Variants in SCAF8 observed in about 807,000 individuals in gnomAD.
The protein encoded by SCAF8 is SR-related and CTD-associated factor 8.
A neutral mutation model predicts 140.5 loss-of-function variants in SCAF8; 23 were observed. That is an observed-to-expected ratio of 0.16 (90% CI 0.12 to 0.23). SCAF8 has a LOEUF of 0.23. Among genes scored for constraint, SCAF8 ranks in the 10% least tolerant of loss-of-function variants. The pLI, the probability that SCAF8 is intolerant of heterozygous loss-of-function variation, is 1.00. For synonymous variants in SCAF8, 575 were observed against 528.9 expected, an observed-to-expected ratio of 1.09 and a Z score of -1.20; for missense variants, 1,397 against 1,555.7, an observed-to-expected ratio of 0.90 and a Z score of 1.72.
At chr6:154,758,356 G>A (rs1200173931) in intron 1 of SCAF8, among the ~76,000 whole-genome samples, 1 of 152,138 alleles carries the variant, frequency 6.6e-6, no homozygotes, top group African/African-American at 2.4e-5. Context: ...TTTTGTGGTG[G>A]TTCCAGTGTC....
chr6:154,749,144 G>A (rs1410479782), intron 1 of SCAF8, among the ~76,000 whole-genome samples: 1 of 152,060 alleles, frequency 6.6e-6, no homozygotes, highest in African/African-American at 2.4e-5. Flanking sequence ...GTTTCTCCTG[G>A]TTTATTAGGC....
chr6:154,825,484 A>T (rs1778539205), intron 17 of SCAF8, among the ~76,000 whole-genome samples: 1 of 151,416 alleles, frequency 6.6e-6, no homozygotes, highest in East Asian at 2.0e-4. Flanking sequence ...AGACCAGCCC[A>T]GGAACAGAGT....
chr6:154,824,008 TG>T (rs1322109769), intron 16 of SCAF8, among the ~76,000 whole-genome samples: 1 of 152,216 alleles, frequency 6.6e-6, no homozygotes, highest in African/African-American at 2.4e-5. Flanking sequence ...ATCACTTGAA[TG>T]TAAGATCAAA....
rs555772506 is a variant in SCAF8, at chr6:154,738,195, C to CAA, written c.30+4278_30+4279dup. Among the ~76,000 whole-genome samples the CAA allele has an allele frequency of 6.8e-3, 816 of 119,530 alleles. 12 individuals are homozygous for CAA. The highest frequency in any genetic ancestry group is 0.024 in the African/African-American group (776 of 32,320). The allele number at this position is 119,530 out of a possible 152,430, so 78.4% of individuals were successfully genotyped here. ...TGGGCAACAGTGTGAGACTCTGCTTCAAAAAAAAAAAAAAGAAAAGAAAAC... is the reference window on the plus strand; with the variant it reads ...TGGGCAACAGTGTGAGACTCTGCTTCAAAAAAAAAAAAAAAAGAAAAGAAAAC... On this transcript the variant is annotated intron_variant, in intron 1 of 19. Transcript: ENST00000367178.
chr6:154,781,939 C>T (rs1214704316), intron 3 of SCAF8, among the ~76,000 whole-genome samples: 8 of 152,032 alleles, frequency 5.3e-5, no homozygotes, highest in East Asian at 1.9e-4. Flanking sequence ...ATATATTATC[C>T]GTGAACCCAT....
rs191731680 is a variant in SCAF8 at position 154,780,453 on chromosome 6, C to G, written c.159+2408C>G. 5.7e-3 allele frequency among the ~76,000 whole-genome samples: 852 copies of G among 150,430 alleles called. 13 individuals are homozygous for G. Among genetic ancestry groups the G allele is most frequent in the African/African-American group, 0.02 (807 of 40,944 alleles). ...CCTGTGCCATGGTGGTTTGCTGTAC[C>G]TATCAACTTGTCATCTAGGTTTTAA... On this transcript the variant is annotated intron_variant, in intron 3 of 19. Transcript: ENST00000367178.
chr6:154,734,589 C>G (rs1778360562), intron 1 of SCAF8, among the ~76,000 whole-genome samples: 1 of 152,058 alleles, frequency 6.6e-6, no homozygotes, highest in Admixed American at 6.6e-5. Flanking sequence ...ATCTGTGCAT[C>G]GAGAGATGGA....
chr6:154,829,927 GTCTT>G (rs1315963442), intron 18 of SCAF8, among the ~76,000 whole-genome samples: 1 of 152,136 alleles, frequency 6.6e-6, no homozygotes. Flanking sequence ...AGGTTTAAAA[GTCTT>G]TCTTTTTGTT....
chr6:154,742,909 A>G (rs1778607345), intron 1 of SCAF8, among the ~76,000 whole-genome samples: 1 of 152,206 alleles, frequency 6.6e-6, no homozygotes, highest in South Asian at 2.1e-4. Flanking sequence ...TAATTTGTTC[A>G]TGCACGTAAC....
intron 7 of SCAF8, among the ~76,000 whole-genome samples, chr6:154,802,576 A>G (rs995420686): frequency 4.6e-5 from 7 of 152,168 alleles, no homozygotes; most frequent in Admixed American, 3.3e-4. Flanking sequence ...AAGATTGAGC[A>G]ACTGTTCTCC....
rs1312702131 is a variant in SCAF8 at position 154,831,943 on chromosome 6, T to G, written c.2364T>G (p.Ile788Met). The G allele has an allele frequency of 3.2e-6, 5 of 1,584,148 alleles. No homozygotes were observed. Among genetic ancestry groups the G allele is most frequent in the East Asian group, 2.2e-5 (1 of 44,644 alleles). Residue 788 changes from isoleucine to methionine, a missense_variant, in exon 20 of 20, where the codon ATT (isoleucine) becomes ATG (methionine). This residue lies in a region of SCAF8 where 930 missense variants were observed against 874.6 expected (regional missense o/e 1.06). Transcript: ENST00000367178. ...TCTCTCTCTCTTTTTTTTTAGTGAT[T>G]CCAAATGATATTTCAAGTAATGCTG... ...ISSGENTRSV[I>M]PNDISSNAAI... is the part of the protein sequence containing the mutation.
intron 17 of SCAF8, among the ~76,000 whole-genome samples, chr6:154,826,707 G>A (rs1027455122): frequency 6.6e-6 from 1 of 152,028 alleles, no homozygotes; most frequent in Non-Finnish European, 1.5e-5. Context: ...CATAGACTCG[G>A]TATCTAAAAT....
Position 154,830,999 on chromosome 6 carries a change from G to T in SCAF8, c.2218G>T (p.Gly740Cys). ...ATTTGGTAGCCTTGTTATACCAGGC[G>T]GTTCTGTTGCCAGCAATCTTGCTAC... ...VGFGSLVIPG[G>C]SVASNLATSA... The change falls in exon 19 of 20, where the codon GGT (glycine) becomes TGT (cysteine). Residue 740 changes from glycine to cysteine, a missense_variant. Gly to Cys is a radical substitution (Grantham distance 159). Coordinates refer to ENST00000367178, the MANE Select transcript of SCAF8 (RefSeq NM_014892.5). 6.2e-7 allele frequency: 1 copy of T among 1,613,986 alleles called. No individual in the cohort carries two copies. The highest frequency in any genetic ancestry group is 8.5e-7 in the Non-Finnish European group (1 of 1,179,896).
chr6:154,822,196 AT>A lies in SCAF8; in HGVS notation c.1793-79del, dbSNP rs1033029441. ...GTGCCAAGGTAGATGAAGGATTTAGATGTGAAATAAATGAATACAAAGAAGA... is the reference window on the plus strand; with the variant it reads ...GTGCCAAGGTAGATGAAGGATTTAGAGTGAAATAAATGAATACAAAGAAGA... On this transcript the variant is annotated intron_variant, in intron 15 of 19. Coordinates refer to ENST00000367178, the MANE Select transcript of SCAF8 (RefSeq NM_014892.5). The A allele has an allele frequency of 2.1e-6, 3 of 1,422,844 alleles. No homozygotes were observed. The African/African-American group carries it at 4.3e-5, about 20-fold the overall frequency. The allele number at this position is 1,422,844 out of a possible 1,614,324, so 88.1% of individuals were successfully genotyped here. A position where few individuals can be genotyped will look rare whatever the true frequency, so the allele number is the denominator to read the frequency against.
In SCAF8 at chr6:154,818,512, A is replaced by G. The variant is rs1281356940; in HGVS notation, c.1555A>G (p.Met519Val). 2.5e-6 allele frequency: 4 copies of G among 1,609,876 alleles called. No individual in the cohort carries two copies. Among genetic ancestry groups the G allele is most frequent in the South Asian group, 1.1e-5 (1 of 90,428 alleles). Reference protein sequence around the residue: ...IPPRGCAYVCMVHRQDAFRAL... With the variant: ...IPPRGCAYVCVVHRQDAFRAL... ...TCCCCGGGGCTGTGCTTATGTCTGC[A>G]TGGTTCATCGACAAGATGCATTTCG... The change falls in exon 14 of 20, where the codon ATG becomes GTG. Residue 519 changes from methionine to valine, a missense_variant. This residue lies in a region of SCAF8 where 59 missense variants were observed against 110.7 expected (regional missense o/e 0.53). Coordinates refer to ENST00000367178, the MANE Select transcript of SCAF8 (RefSeq NM_014892.5).
rs748368104 is a variant in SCAF8, at chr6:154,820,209, A to C, written c.1668A>C (p.Thr556=). Residue 556 remains threonine, a synonymous_variant, in exon 15 of 20, where the codon ACA becomes ACC. Transcript: ENST00000367178. ...IAWALNKGVK[T]EYKQFWDVDL... ...GGGCTTTAAACAAAGGTGTAAAAAC[A>C]GAATACAAACAATTCTGGGATGTGG... The C allele has an allele frequency of 6.2e-7, 1 of 1,604,058 alleles. No individual in the cohort carries two copies. The highest frequency in any genetic ancestry group is 2.2e-5 in the East Asian group (1 of 44,766).
intron 12 of SCAF8, among the ~76,000 whole-genome samples, chr6:154,811,228 A>T (rs755968996): frequency 6.6e-6 from 1 of 152,188 alleles, no homozygotes; most frequent in Non-Finnish European, 1.5e-5. Flanking sequence ...AAATAATGTC[A>T]AACGTTTAAC....
intron 3 of SCAF8, among the ~76,000 whole-genome samples, chr6:154,784,182 G>T (rs1321966780): frequency 1.6e-5 from 2 of 124,636 alleles, no homozygotes; most frequent in Non-Finnish European, 1.7e-5. Context: ...TTTCATGTAG[G>T]GTGCAGTATT....
Position 154,827,256 on chromosome 6 carries a change from T to C in SCAF8, c.2140+16T>C. The stretch of plus-strand genomic sequence containing the variant: ...GTACCAACATGTAAGTTTTCTACTT[T>C]TAGAGTTTTCTTTATTCATGGTAGT... On this transcript the variant is annotated intron_variant, in intron 18 of 19. Coordinates refer to ENST00000367178, the MANE Select transcript of SCAF8 (RefSeq NM_014892.5). 1.3e-6 allele frequency: 2 copies of C among 1,571,620 alleles called. No homozygotes were observed. Among genetic ancestry groups the C allele is most frequent in the Non-Finnish European group, 1.7e-6 (2 of 1,153,706 alleles).
Sources: allele counts gnomAD v4.1 joint callset (sites outside exome capture counted in the v4.1 genomes callset), GRCh38; gene constraint gnomAD v4.1.1; regional missense constraint gnomAD v4.1.1; transcripts MANE v1.5; gene names NCBI Gene and HGNC (gene_info 2026-07-23, HGNC 2026-07-21).